ASAP1: variants seen among roughly 807,000 people sequenced by gnomAD.
ASAP1 encodes the protein arf-GAP with SH3 domain, ANK repeat and PH domain-containing protein 1.
In ASAP1, 43 loss-of-function variants were observed where a neutral mutation model predicts 145.2. The ratio of observed to expected loss-of-function variants is 0.30; its 90% CI spans 0.23 to 0.38. The LOEUF (loss-of-function observed/expected upper bound fraction) is 0.38. Among genes scored for constraint, ASAP1 ranks in the 10% least tolerant of loss-of-function variants. The probability of loss-of-function intolerance (pLI) is 1.00; values close to 1 mark genes in which losing one functional copy is unlikely to be tolerated. For synonymous variants in ASAP1, 546 were observed against 515.5 expected, an observed-to-expected ratio of 1.06 and a Z score of -0.80; for missense variants, 1,018 against 1,355.3, an observed-to-expected ratio of 0.75 and a Z score of 3.91.
chr8:130,107,325 G>C (rs1224899596), intron 24 of ASAP1, among the ~76,000 whole-genome samples: 1 of 151,594 alleles, frequency 6.6e-6, no homozygotes, highest in African/African-American at 2.4e-5. Context: ...TGGGACTACA[G>C]GCGTCCTCCA....
intron 3 of ASAP1, among the ~76,000 whole-genome samples, chr8:130,318,502 C>T (rs1188790117): frequency 6.6e-6 from 1 of 152,232 alleles, no homozygotes; most frequent in Non-Finnish European, 1.5e-5. Context: ...TTTTCACGAA[C>T]ATCTCCTTTC....
intron 25 of ASAP1, among the ~76,000 whole-genome samples, chr8:130,086,355 T>C (rs1250429297): frequency 6.6e-6 from 1 of 152,256 alleles, no homozygotes; most frequent in Non-Finnish European, 1.5e-5. Context: ...ATGAGGTACG[T>C]TAACACATGC....
chr8:130,386,033 A>AT (rs770082647), intron 2 of ASAP1, among the ~76,000 whole-genome samples: 85 of 152,286 alleles, frequency 5.6e-4, no homozygotes, highest in South Asian at 1.0e-3. Flanking sequence ...AGATAGACCA[A>AT]CGGGAATCAA....
intron 18 of ASAP1, among the ~76,000 whole-genome samples, chr8:130,123,391 G>T (rs572461096): frequency 2.4e-4 from 37 of 152,184 alleles, no homozygotes; most frequent in Non-Finnish European, 5.0e-4. Flanking sequence ...CATTGTCTTT[G>T]AATGTCTCTT....
At chr8:130,137,076 TC>T (rs2097596603) in intron 13 of ASAP1, 38 bp from the exon 14 acceptor site, 5 of 1,545,108 alleles carry the variant, frequency 3.2e-6, no homozygotes, top group Non-Finnish European at 4.5e-6. Context: ...TACATGCAGC[TC>T]CACTCTCTTG....
chr8:130,361,942 TATA>T (rs1826733757), intron 2 of ASAP1, among the ~76,000 whole-genome samples: 3 of 152,228 alleles, frequency 2.0e-5, no homozygotes, highest in Admixed American at 2.0e-4. Context: ...TTGTCGCCAT[TATA>T]ATAAGACTGT....
intron 5 of ASAP1, among the ~76,000 whole-genome samples, chr8:130,212,510 T>A (rs1816649182): frequency 6.6e-6 from 1 of 152,128 alleles, no homozygotes; most frequent in South Asian, 2.1e-4. Flanking sequence ...AGACAGAATG[T>A]TTGGGTTCAA....
At chr8:130,323,352 ATACT>A (rs1277609756) in intron 3 of ASAP1, among the ~76,000 whole-genome samples, 3 of 152,242 alleles carry the variant, frequency 2.0e-5, no homozygotes, top group African/African-American at 7.2e-5. Flanking sequence ...AAGAGGGAAC[ATACT>A]TTCTTTAGCC....
In ASAP1 at chr8:130,403,681, T is replaced by C. The variant is rs528533678; in HGVS notation, c.-27-1711A>G. 2.0e-5 allele frequency among the ~76,000 whole-genome samples: 3 copies of C among 151,564 alleles called. No individual in the cohort carries two copies. In the East Asian group the frequency reaches 5.8e-4, roughly 29 times the overall value. On this transcript the variant is annotated intron_variant, in intron 1 of 29. Transcript: ENST00000518721. The stretch of plus-strand genomic sequence containing the variant: ...GATTCTCCTCCCTCAGCCTCCCAAG[T>C]AGCTGGGATTACAGGTGTCCGCCAC...
chr8:130,120,513 GA>G (rs1176009893), intron 18 of ASAP1, among the ~76,000 whole-genome samples: 2 of 152,212 alleles, frequency 1.3e-5, no homozygotes, highest in African/African-American at 4.8e-5. Context: ...GGGTTCATTT[GA>G]AAGCTTCCTT....
chr8:130,175,754 C>T (rs1298479239), intron 9 of ASAP1, among the ~76,000 whole-genome samples: 1 of 152,124 alleles, frequency 6.6e-6, no homozygotes, highest in Non-Finnish European at 1.5e-5. Context: ...ATGAACATGA[C>T]TTTGAGCAAA....
rs147507474 is a variant in ASAP1, at chr8:130,204,508, C to G, written c.405+10048G>C. ...TAAATGAGGCTACATACAGATGAGG[C>G]AGAGGATAATGCTCACCAAATACTC... is the stretch of plus-strand genomic sequence containing the variant. On this transcript the variant is annotated intron_variant, in intron 5 of 29. Transcript: ENST00000518721. 3.7e-3 allele frequency among the ~76,000 whole-genome samples: 568 copies of G among 152,244 alleles called. 6 individuals are homozygous for G. The highest frequency in any genetic ancestry group is 0.013 in the African/African-American group (541 of 41,530).
At chr8:130,271,950 A>T (rs1376063672) in intron 3 of ASAP1, among the ~76,000 whole-genome samples, 2 of 152,210 alleles carry the variant, frequency 1.3e-5, no homozygotes, top group African/African-American at 2.4e-5. Flanking sequence ...GGAGGAAGCA[A>T]GACTTGCTGT....
chr8:130,081,732 T>A (rs1219611653), intron 25 of ASAP1, among the ~76,000 whole-genome samples: 2 of 152,102 alleles, frequency 1.3e-5, no homozygotes, highest in East Asian at 3.8e-4. Flanking sequence ...ACTAAATGAA[T>A]AAATGGCTGC....
chr8:130,183,479 T>G (rs970074199), intron 7 of ASAP1, among the ~76,000 whole-genome samples: 4 of 152,074 alleles, frequency 2.6e-5, no homozygotes, highest in Non-Finnish European at 5.9e-5. Flanking sequence ...TAGCTGGGAC[T>G]ACAGGAACCC....
rs1821014670 is a variant in ASAP1, at chr8:130,277,966, C to T, written c.187-40972G>A. On this transcript the variant is annotated intron_variant, in intron 3 of 29. Coordinates refer to ENST00000518721, the MANE Select transcript of ASAP1 (RefSeq NM_018482.4). The stretch of plus-strand genomic sequence containing the variant: ...TAGAGCTCAAGGGAGCAAATAAATT[C>T]TTAGCCATGAAAGGAAGAAATCCAA... Among the ~76,000 whole-genome samples the T allele has an allele frequency of 3.3e-5, 5 of 151,662 alleles. No individual in the cohort carries two copies. The South Asian group carries it at 1.0e-3, about 31-fold the overall frequency.
chr8:130,309,365 T>TG (rs758592611), intron 3 of ASAP1, among the ~76,000 whole-genome samples: 2 of 151,508 alleles, frequency 1.3e-5, no homozygotes, highest in African/African-American at 2.4e-5. Context: ...AACAGAGAGG[T>TG]GATGGGTGGC....
intron 24 of ASAP1, among the ~76,000 whole-genome samples, chr8:130,093,666 C>CAAAAAAAAAAAAAAAAA (rs71572317): frequency 1.7e-4 from 9 of 52,202 alleles, no homozygotes; most frequent in Non-Finnish European, 2.1e-4. Context: ...GACTCCGTCT[C>CAAAAAAAAAAAAAAAAA]AAAAAAAAAA....
chr8:130,083,836 C>T (rs2097486773), intron 25 of ASAP1: 1 of 152,124 alleles, frequency 6.6e-6, no homozygotes, highest in African/African-American at 2.4e-5. Context: ...TCTTGTTGCC[C>T]AGGCTGGAGT....
Sources: gnomAD v4.1 joint callset for allele counts (sites outside exome capture counted in the v4.1 genomes callset) on GRCh38, gnomAD v4.1.1 for gene constraint, MANE v1.5 for transcripts, NCBI Gene and HGNC (gene_info 2026-07-23, HGNC 2026-07-21) for gene names.